Variants in SHC2 observed in about 807,000 individuals in gnomAD.
The protein encoded by SHC2 is SHC adaptor protein 2.
In SHC2, 62 loss-of-function variants were observed where a neutral mutation model predicts 60.6. That is an observed-to-expected ratio of 1.02 (90% confidence interval 0.83 to 1.26). SHC2 has a LOEUF of 1.26. SHC2 is among the 50% of genes most tolerant of loss of function. The pLI is 0.00. For missense variants in SHC2, 873 were observed against 822.2 expected (o/e 1.06, Z -0.76); for synonymous variants, 375 against 372.4 (o/e 1.01, Z -0.08).
intron 1 of SHC2, among the ~76,000 whole-genome samples, chr19:454,336 C>T (rs1246379694): frequency 6.6e-6 from 1 of 152,162 alleles, no homozygotes; most frequent in Non-Finnish European, 1.5e-5. Context: ...AAAATGTCCC[C>T]ATTCACAAAA....
At chr19:458,790 A>G (rs1490832768) in intron 1 of SHC2, among the ~76,000 whole-genome samples, 9 of 136,434 alleles carry the variant, frequency 6.6e-5, no homozygotes, top group East Asian at 2.2e-4. Flanking sequence ...GGGAGGCGGA[A>G]GCGGGTCCTG....
At chr19:451,802 T>C (rs1419604889) in intron 1 of SHC2, among the ~76,000 whole-genome samples, 2 of 152,160 alleles carry the variant, frequency 1.3e-5, no homozygotes, top group Admixed American at 1.3e-4. Flanking sequence ...TTCACCATGT[T>C]GACAGGCTGG....
chr19:443,326 ATGGATGGGTGGATGGATGTGTAGG>A (rs1974956873), intron 1 of SHC2, among the ~76,000 whole-genome samples: 2 of 133,238 alleles, frequency 1.5e-5, no homozygotes, highest in Non-Finnish European at 3.2e-5. Context: ...GGGTGGATGG[ATGGATGGGTGGATGGATGTGTAGG>A]TGGATGGGTG....
At chr19:431,038 C>G (rs770984867) in intron 8 of SHC2, among the ~76,000 whole-genome samples, 11 of 152,252 alleles carry the variant, frequency 7.2e-5, no homozygotes, top group African/African-American at 1.4e-4. Context: ...CTCTGCTCTC[C>G]CAGGCAGCTC....
chr19:455,071 G>T (rs958635196), intron 1 of SHC2, among the ~76,000 whole-genome samples: 2 of 152,218 alleles, frequency 1.3e-5, no homozygotes, highest in African/African-American at 4.8e-5. Flanking sequence ...AATGACACCT[G>T]CAGAGAGCCT....
intron 11 of SHC2, among the ~76,000 whole-genome samples, chr19:421,380 A>G (rs973199854): frequency 4.7e-5 from 7 of 147,958 alleles, no homozygotes; most frequent in Middle Eastern, 3.5e-3. Flanking sequence ...AGCCGGGGCA[A>G]CAGTGCGAGA....
At chr19:426,016 G>A (rs1052542547) in intron 9 of SHC2, among the ~76,000 whole-genome samples, 1 of 146,090 alleles carries the variant, frequency 6.8e-6, no homozygotes, top group Non-Finnish European at 1.5e-5. Context: ...GCAACAGAAT[G>A]AGACTCAGTC....
chr19:440,343 CACAT>C lies in SHC2; in HGVS notation c.539+515_539+518del, dbSNP rs1974833720. Among the ~76,000 whole-genome samples the C allele has an allele frequency of 6.6e-6, 1 of 152,202 alleles. No individual in the cohort carries two copies. The highest frequency in any genetic ancestry group is 1.5e-5 in the Non-Finnish European group (1 of 68,038). ...AAGTCTCAAACTGTACATTATATCT[CACAT>C]ACGCACGTGTAAACTGTCTCACATG... On this transcript the variant is annotated intron_variant, in intron 2 of 12. Coordinates refer to ENST00000264554, the MANE Select transcript of SHC2 (RefSeq NM_012435.3). The surrounding 1 kb of genome is among the most constrained non-coding windows in gnomAD (Gnocchi z 7.0).
intron 1 of SHC2, among the ~76,000 whole-genome samples, chr19:452,722 C>T (rs1056404883): frequency 2.0e-5 from 3 of 152,154 alleles, no homozygotes; most frequent in Non-Finnish European, 4.4e-5. Context: ...GGTAGTTGAT[C>T]GGCAGGACGG....
chr19:454,308 G>A (rs911612706), intron 1 of SHC2, among the ~76,000 whole-genome samples: 14 of 152,252 alleles, frequency 9.2e-5, no homozygotes, highest in Non-Finnish European at 5.9e-5. Context: ...CGGCAAAGTC[G>A]GCGGGGGATT....
Position 438,258 on chromosome 19 carries a change from C to A in SHC2, c.720+460G>T, listed in dbSNP as rs553247631. On this transcript the variant is annotated intron_variant, in intron 4 of 12. Coordinates refer to ENST00000264554, the MANE Select transcript of SHC2 (RefSeq NM_012435.3). This position sits in a 1 kb window ranked among gnomAD's most constrained non-coding sequence, Gnocchi z 5.0. ...CCTCCCAAAGTGCTGGGGTTACAGGCGTGAGCCACTGAGCCCGGCCTCACA... is the reference window on the plus strand; with the variant it reads ...CCTCCCAAAGTGCTGGGGTTACAGGAGTGAGCCACTGAGCCCGGCCTCACA... 6.6e-6 allele frequency among the ~76,000 whole-genome samples: 1 copy of A among 152,310 alleles called. No homozygotes were observed. The highest frequency in any genetic ancestry group is 1.9e-4 in the East Asian group (1 of 5,182).
At chr19:429,301 C>G (rs1050772694) in intron 9 of SHC2, among the ~76,000 whole-genome samples, 1 of 149,990 alleles carries the variant, frequency 6.7e-6, no homozygotes, top group South Asian at 2.1e-4. Context: ...TACCTATACC[C>G]AACATGCACG....
chr19:418,190 C>G (rs1214045772), intron 12 of SHC2, among the ~76,000 whole-genome samples: 1 of 152,188 alleles, frequency 6.6e-6, no homozygotes, highest in East Asian at 1.9e-4. Context: ...GGTCTTCTCA[C>G]TGCCTGGGCT....
chr19:418,213 CCT>C (rs1218332808), intron 12 of SHC2, among the ~76,000 whole-genome samples: 1 of 152,198 alleles, frequency 6.6e-6, no homozygotes, highest in East Asian at 1.9e-4. Flanking sequence ...CACGCCAGCC[CCT>C]GCCTGTCCCA....
At chr19:437,337 T>C (rs1974750985) in intron 4 of SHC2, among the ~76,000 whole-genome samples, 3 of 151,642 alleles carry the variant, frequency 2.0e-5, no homozygotes, top group South Asian at 4.2e-4. Flanking sequence ...TCTGCGTGCT[T>C]GTTTGCATGC....
intron 8 of SHC2, among the ~76,000 whole-genome samples, chr19:431,629 C>A (rs1254309509): frequency 1.0e-4 from 3 of 29,402 alleles, no homozygotes; most frequent in African/African-American, 4.2e-4. Context: ...TGAGTGAGAT[C>A]GTGAGTGAGA....
chr19:457,887 C>T (rs1308573069), intron 1 of SHC2, among the ~76,000 whole-genome samples: 2 of 152,252 alleles, frequency 1.3e-5, no homozygotes, highest in African/African-American at 4.8e-5. Flanking sequence ...GGCCCGATGC[C>T]ACCAGGGAAA....
rs117494055 is a variant in SHC2, at chr19:448,875, G to A, written c.469-7943C>T. On this transcript the variant is annotated intron_variant, in intron 1 of 12. Transcript: ENST00000264554. Reference sequence around the variant, plus strand: ...AGGTGGTAAAAGAGACAGGACGGACGGGGCAAGTGGCTCACGCCTCTAATC... The same window carrying A: ...AGGTGGTAAAAGAGACAGGACGGACAGGGCAAGTGGCTCACGCCTCTAATC... Among the ~76,000 whole-genome samples the A allele has an allele frequency of 5.8e-3, 883 of 152,212 alleles. 5 individuals are homozygous for A. The highest frequency in any genetic ancestry group is 0.014 in the Middle Eastern group (4 of 294).
chr19:427,813 G>C (rs1974459703), intron 9 of SHC2, among the ~76,000 whole-genome samples: 1 of 116,272 alleles, frequency 8.6e-6, no homozygotes, highest in Middle Eastern at 5.0e-3. Flanking sequence ...GCACACGGAA[G>C]GGGGCGGCAC....
Sources: allele counts gnomAD v4.1 joint callset (sites outside exome capture counted in the v4.1 genomes callset), GRCh38; gene constraint gnomAD v4.1.1; non-coding constraint Gnocchi (gnomAD v3.1); transcripts MANE v1.5; gene names NCBI Gene and HGNC (gene_info 2026-07-23, HGNC 2026-07-21).